ATP1B2: variants seen among roughly 807,000 people sequenced by gnomAD.
ATP1B2 encodes the protein sodium/potassium-transporting ATPase subunit beta-2.
In ATP1B2, 12 loss-of-function variants were observed where a neutral mutation model predicts 37.3. The observed-to-expected ratio is 0.32, with a 90% CI of 0.21 to 0.52. The LOEUF (loss-of-function observed/expected upper bound fraction) is 0.52, where lower values mean the gene tolerates loss of function less well. Among genes scored for constraint, ATP1B2 ranks in the 20% least tolerant of loss-of-function variants. The probability of loss-of-function intolerance (pLI) is 0.96; values close to 1 mark genes in which losing one functional copy is unlikely to be tolerated. For synonymous variants in ATP1B2, 139 were observed against 140.5 expected, an observed-to-expected ratio of 0.99 and a Z score of 0.07; for missense variants, 324 against 391.6, an observed-to-expected ratio of 0.83 and a Z score of 1.46.
At position 7,655,513 on chromosome 17, in the gene ATP1B2, C is replaced by T. The variant is rs11658923; in HGVS notation, c.610-14C>T. ...CCTAACTGGCTCACCCCCTATCTTC[C>T]TGCACCCCCACAGCGAGATGAAGAT... On this transcript the variant is annotated splice_polypyrimidine_tract_variant and intron_variant, in intron 5 of 6. Transcript: ENST00000250111. This position sits in a 1 kb window ranked among gnomAD's most constrained non-coding sequence, Gnocchi z 4.4. 4 of 1,613,870 alleles carry T rather than the reference C, an allele frequency of 2.5e-6. No individual in the cohort carries two copies. Among genetic ancestry groups the T allele is most frequent in the Non-Finnish European group, 3.4e-6 (4 of 1,179,884 alleles).
At chr17:7,653,719 G>T in intron 2 of ATP1B2, 122 bp from the exon 3 acceptor site, 2 of 1,267,882 alleles carry the variant, frequency 1.6e-6, no homozygotes. Context: ...ACCCTCCCAT[G>T]AAGACGATCT....
chr17:7,647,878 A>G (rs2072584402), upstream of ATP1B2, among the ~76,000 whole-genome samples: 2 of 151,994 alleles, frequency 1.3e-5, no homozygotes. Flanking sequence ...ACCATGAGAA[A>G]GCCAGGTGTG....
intron 1 of ATP1B2, among the ~76,000 whole-genome samples, chr17:7,651,976 C>T (rs2072616910): frequency 4.6e-5 from 7 of 152,170 alleles, no homozygotes; most frequent in Admixed American, 4.6e-4. Context: ...CCCTTCCCTC[C>T]CTCCGGCTCT....
rs1385619407 is a variant in ATP1B2, at chr17:7,657,177, AC to A, written c.*1284del. ...CATTCTGGCTCCGTCCCCAGTGGCCACCTTGGAAACATCGGCTGGCTTTGGG... is the reference window on the plus strand; with the variant it reads ...CATTCTGGCTCCGTCCCCAGTGGCCACTTGGAAACATCGGCTGGCTTTGGG... On this transcript the variant is annotated 3_prime_UTR_variant, in exon 7 of 7. Transcript: ENST00000250111. 1 of 152,024 alleles carries A rather than the reference AC, an allele frequency of 6.6e-6. No homozygotes were observed. The highest frequency in any genetic ancestry group is 1.5e-5 in the Non-Finnish European group (1 of 67,996). The allele number at this position is 152,024 out of a possible 1,614,324, so 9.4% of individuals were successfully genotyped here. A position where few individuals can be genotyped will look rare whatever the true frequency, so the allele number is the denominator to read the frequency against.
intron 1 of ATP1B2, among the ~76,000 whole-genome samples, chr17:7,652,041 G>A (rs1382159040): frequency 2.0e-5 from 3 of 152,100 alleles, no homozygotes; most frequent in Non-Finnish European, 4.4e-5. Context: ...CTGGACCCTG[G>A]GAACGTTCAT....
Position 7,657,101 on chromosome 17 carries a change from C to T in ATP1B2, c.*1206C>T, listed in dbSNP as rs2072659789. On this transcript the variant is annotated 3_prime_UTR_variant, in exon 7 of 7. Coordinates refer to ENST00000250111, the MANE Select transcript of ATP1B2 (RefSeq NM_001678.5). Reference sequence around the variant, plus strand: ...GGCTCCCTTCCCCCATTCGCCTTCCCAGAATATCCTTCAAGTTCCACTTCC... The same window carrying T: ...GGCTCCCTTCCCCCATTCGCCTTCCTAGAATATCCTTCAAGTTCCACTTCC... 1 of 152,096 alleles carries T rather than the reference C, an allele frequency of 6.6e-6. No homozygotes were observed. The highest frequency in any genetic ancestry group is 1.5e-5 in the Non-Finnish European group (1 of 68,028). The allele number at this position is 152,096 out of a possible 1,614,324, so 9.4% of individuals were successfully genotyped here.
At chr17:7,651,840 C>T (rs2150977436) in intron 1 of ATP1B2, among the ~76,000 whole-genome samples, 1 of 152,224 alleles carries the variant, frequency 6.6e-6, no homozygotes, top group East Asian at 1.9e-4. Flanking sequence ...CAGCCGCCTT[C>T]CCGCCCCCCG....
At chr17:7,646,845 A>G (rs1458115398), upstream of ATP1B2, 1 of 152,202 alleles carries the variant, frequency 6.6e-6, no homozygotes, top group East Asian at 1.9e-4. Flanking sequence ...TGAGTGACCC[A>G]GGCGGGAGGA....
In ATP1B2 at chr17:7,656,388, C is replaced by G. The variant is rs1428287677; in HGVS notation, c.*493C>G. The G allele has an allele frequency of 6.0e-6, 1 of 167,290 alleles. No individual in the cohort carries two copies. The highest frequency in any genetic ancestry group is 1.6e-4 in the East Asian group (1 of 6,096). 10.4% of individuals were successfully genotyped at this position (167,290 alleles called of 1,614,324 possible). A position where few individuals can be genotyped will look rare whatever the true frequency, so the allele number is the denominator to read the frequency against. On this transcript the variant is annotated 3_prime_UTR_variant, in exon 7 of 7. Transcript: ENST00000250111. The stretch of plus-strand genomic sequence containing the variant: ...ACCGTCCCTTGATCTCTCATACTTT[C>G]TCCCTGTCTACACAGTCGCCATCTT...
chr17:7,653,689 G>A, intron 2 of ATP1B2, 152 bp from the exon 3 acceptor site: 7 of 1,237,286 alleles, frequency 5.7e-6, no homozygotes, highest in Non-Finnish European at 7.9e-6. Flanking sequence ...TGGGCATGTG[G>A]CAGATAGCCA....
upstream of ATP1B2, among the ~76,000 whole-genome samples, chr17:7,649,963 A>G (rs1315094684): frequency 1.3e-5 from 2 of 152,120 alleles, no homozygotes; most frequent in Non-Finnish European, 1.5e-5. Flanking sequence ...AAATGCTGGG[A>G]TTACAGGCAT....
At chr17:7,652,307 G>A (rs2072619402) in intron 1 of ATP1B2, among the ~76,000 whole-genome samples, 1 of 150,854 alleles carries the variant, frequency 6.6e-6, no homozygotes, top group African/African-American at 2.4e-5. Context: ...TCCCCAGGCT[G>A]ACCATGGCAG....
At position 7,654,737 on chromosome 17, in the gene ATP1B2, T is replaced by C; in HGVS notation, c.609+53T>C. ...CTCACCTGAGTGGCTCACCTGAGTGTCCTTCATGGTTTCTGTGTAATTCAC... is the reference window on the plus strand; with the variant it reads ...CTCACCTGAGTGGCTCACCTGAGTGCCCTTCATGGTTTCTGTGTAATTCAC... On this transcript the variant is annotated intron_variant, in intron 5 of 6. Transcript: ENST00000250111. This position sits in a 1 kb window ranked among gnomAD's most constrained non-coding sequence, Gnocchi z 4.9. 1 of 1,579,608 alleles carries C rather than the reference T, an allele frequency of 6.3e-7. No homozygotes were observed. The highest frequency in any genetic ancestry group is 8.7e-7 in the Non-Finnish European group (1 of 1,148,642).
chr17:7,652,172 G>A (rs971413618), intron 1 of ATP1B2, among the ~76,000 whole-genome samples: 1 of 152,172 alleles, frequency 6.6e-6, no homozygotes, highest in Non-Finnish European at 1.5e-5. Context: ...GCTGCTGATA[G>A]TATGAGTTTT....
Position 7,657,441 on chromosome 17 carries a change from G to GGCCTCCT in ATP1B2, c.*1556_*1562dup, listed in dbSNP as rs2072663156. 1.3e-5 allele frequency: 2 copies of GGCCTCCT among 152,046 alleles called. No homozygotes were observed. Among genetic ancestry groups the GGCCTCCT allele is most frequent in the Middle Eastern group, 6.8e-3 (2 of 294 alleles). The allele number at this position is 152,046 out of a possible 1,614,324, so 9.4% of individuals were successfully genotyped here. On this transcript the variant is annotated 3_prime_UTR_variant, in exon 7 of 7. Coordinates refer to ENST00000250111, the MANE Select transcript of ATP1B2 (RefSeq NM_001678.5). ...AATGCCCACAGAATGTCAAATGAGG[G>GGCCTCCT]GCCTCCTGCCTCCTGCTCTGAATAT...
chr17:7,648,380 C>G (rs1194190900), upstream of ATP1B2, among the ~76,000 whole-genome samples: 1 of 151,838 alleles, frequency 6.6e-6, no homozygotes, highest in Non-Finnish European at 1.5e-5. Context: ...GAACTCAAAA[C>G]TAGCCTGGCC....
chr17:7,654,107 T>C lies in ATP1B2; in HGVS notation c.402T>C (p.Tyr134=), dbSNP rs2072633256. Residue 134 remains tyrosine (Y), a synonymous_variant, in exon 4 of 7, where the codon TAT becomes TAC. Coordinates refer to ENST00000250111, the MANE Select transcript of ATP1B2 (RefSeq NM_001678.5). The surrounding 1 kb of genome is among the most constrained non-coding windows in gnomAD (Gnocchi z 4.9). The part of the protein sequence containing the change: ...QKNDVCRPGR[Y]YEQPDNGVLN... ...ATGATGTCTGCCGCCCTGGACGCTA[T>C]TACGAACAGCCAGATAATGGAGTCC... The C allele has an allele frequency of 6.2e-7, 1 of 1,614,072 alleles. No individual in the cohort carries two copies. Among genetic ancestry groups the C allele is most frequent in the African/African-American group, 1.3e-5 (1 of 74,918 alleles).
intron 1 of ATP1B2, among the ~76,000 whole-genome samples, chr17:7,652,054 G>A (rs1367466831): frequency 1.3e-5 from 2 of 152,150 alleles, no homozygotes; most frequent in African/African-American, 2.4e-5. Context: ...ACGTTCATGA[G>A]GGGGCGGGTC....
In ATP1B2 at chr17:7,651,408, G is replaced by A. The variant is rs1181393265; in HGVS notation, c.-111G>A. 18 of 968,324 alleles carry A rather than the reference G, an allele frequency of 1.9e-5. No homozygotes were observed. Among genetic ancestry groups the A allele is most frequent in the Non-Finnish European group, 1.9e-5 (12 of 635,520 alleles). The allele number at this position is 968,324 out of a possible 1,614,324, so 60.0% of individuals were successfully genotyped here. A position where few individuals can be genotyped will look rare whatever the true frequency, so the allele number is the denominator to read the frequency against. The stretch of plus-strand genomic sequence containing the variant: ...TATCTGAGGGGGGTCTCCTTTGCCC[G>A]CGCCGCCTTCGCTCCCCGTGCTTTT... On this transcript the variant is annotated 5_prime_UTR_variant, in exon 1 of 7. Transcript: ENST00000250111.
Sources: gnomAD v4.1 joint callset for allele counts (sites outside exome capture counted in the v4.1 genomes callset) on GRCh38, gnomAD v4.1.1 for gene constraint, Gnocchi (gnomAD v3.1) non-coding constraint, MANE v1.5 for transcripts, NCBI Gene and HGNC (gene_info 2026-07-23, HGNC 2026-07-21) for gene names.